The following MINDY4 variants were observed in gnomAD, a reference collection of about 807,000 sequenced individuals.
The protein encoded by MINDY4 is MINDY lysine 48 deubiquitinase 4.
A neutral mutation model predicts 87.0 loss-of-function variants in MINDY4; 68 were observed. The ratio of observed to expected loss-of-function variants is 0.78; its 90% CI spans 0.64 to 0.96. The LOEUF is 0.96. MINDY4 is among the 40% of genes least tolerant of loss of function. MINDY4 has a pLI of 0.00. For missense variants in MINDY4, 919 were observed against 928.2 expected (o/e 0.99, Z 0.13); for synonymous variants, 379 against 363.2 (o/e 1.04, Z -0.50).
intron 5 of MINDY4, among the ~76,000 whole-genome samples, chr7:30,826,715 C>T (rs144973182): frequency 1.4e-4 from 21 of 152,256 alleles, no homozygotes; most frequent in African/African-American, 4.1e-4. Context: ...TGTGCTGCCA[C>T]GGGATAGGGT....
chr7:30,822,146 A>G (rs1456791076), intron 5 of MINDY4, among the ~76,000 whole-genome samples: 2 of 151,634 alleles, frequency 1.3e-5, no homozygotes, highest in African/African-American at 4.9e-5. Context: ...CCACAACCAC[A>G]GTACCCACAA....
chr7:30,828,880 C>G (rs1225543294), intron 6 of MINDY4, 143 bp downstream of exon 6: 2 of 697,922 alleles, frequency 2.9e-6, no homozygotes, highest in Non-Finnish European at 5.0e-6. Flanking sequence ...GTAGAGTAGA[C>G]TACTCTCTCT....
intron 9 of MINDY4, among the ~76,000 whole-genome samples, chr7:30,843,750 A>G (rs1789114556): frequency 6.8e-6 from 1 of 147,300 alleles, no homozygotes; most frequent in African/African-American, 2.7e-5. Flanking sequence ...GAGGTTTTCT[A>G]TCTGTCGTTG....
intron 9 of MINDY4, among the ~76,000 whole-genome samples, chr7:30,844,877 T>G (rs990998407): frequency 6.6e-6 from 1 of 152,302 alleles, no homozygotes; most frequent in Admixed American, 6.5e-5. Context: ...CTTGCCTAAA[T>G]TGGACTCAGT....
rs144782601 is a variant in MINDY4, at chr7:30,889,007, G to C, written c.2226-2950G>C. Among the ~76,000 whole-genome samples the C allele has an allele frequency of 2.9e-3, 447 of 152,254 alleles. 1 individual carries two copies. The highest frequency in any genetic ancestry group is 0.01 in the African/African-American group (418 of 41,542). ...TCATACGAGGTACTTCAGTCTTTCT[G>C]AGTGGGGAGGGTAAAGGCTTGAAAA... On this transcript the variant is annotated intron_variant, in intron 17 of 17. Transcript: ENST00000265299.
chr7:30,863,437 G>GGAGATTGTGTGAAGGGTGACTTGATT (rs1789829584), intron 13 of MINDY4, among the ~76,000 whole-genome samples: 1 of 152,210 alleles, frequency 6.6e-6, no homozygotes, highest in African/African-American at 2.4e-5. Flanking sequence ...TGGTTGTGTT[G>GGAGATTGTGTGAAGGGTGACTTGATT]GAGATTGTGT....
At chr7:30,808,098 G>C (rs911737874) in intron 5 of MINDY4, among the ~76,000 whole-genome samples, 3 of 152,208 alleles carry the variant, frequency 2.0e-5, no homozygotes, top group Non-Finnish European at 4.4e-5. Context: ...CAGCTTGAGC[G>C]ACGCAGATCC....
intron 13 of MINDY4, among the ~76,000 whole-genome samples, chr7:30,868,027 G>T (rs1789993187): frequency 6.6e-6 from 1 of 152,236 alleles, no homozygotes; most frequent in South Asian, 2.1e-4. Flanking sequence ...GGACGCTGGT[G>T]TTAGGTGAAT....
Position 30,886,188 on chromosome 7 carries a change from C to T in MINDY4, c.2225+3195C>T, listed in dbSNP as rs182076864. ...CCCACAGCATCTTGTCCATCTTGCT[C>T]GGTAGGTGGGGCTGCAGGGTAGGCC... On this transcript the variant is annotated intron_variant, in intron 17 of 17. Coordinates refer to ENST00000265299, the MANE Select transcript of MINDY4 (RefSeq NM_032222.3). 4.5e-4 allele frequency among the ~76,000 whole-genome samples: 68 copies of T among 152,290 alleles called. 1 individual carries two copies. The highest frequency in any genetic ancestry group is 7.6e-4 in the Non-Finnish European group (52 of 68,028).
chr7:30,841,099 A>G (rs1257212714), intron 9 of MINDY4, among the ~76,000 whole-genome samples: 1 of 151,286 alleles, frequency 6.6e-6, no homozygotes, highest in Non-Finnish European at 1.5e-5. Flanking sequence ...TGCAGGAACG[A>G]CATCAAAACC....
intron 13 of MINDY4, among the ~76,000 whole-genome samples, chr7:30,870,988 C>T (rs927179308): frequency 6.6e-6 from 1 of 150,806 alleles, no homozygotes; most frequent in Non-Finnish European, 1.5e-5. Flanking sequence ...GTAATGTGTG[C>T]CCCCCAGGGT....
chr7:30,799,976 C>T (rs1190008817), intron 5 of MINDY4, among the ~76,000 whole-genome samples: 1 of 152,064 alleles, frequency 6.6e-6, no homozygotes. Flanking sequence ...TTTTTGTGCC[C>T]CTCTTAGTCA....
intron 6 of MINDY4, among the ~76,000 whole-genome samples, chr7:30,834,483 T>G (rs1788800960): frequency 6.6e-6 from 1 of 152,214 alleles, no homozygotes; most frequent in South Asian, 2.1e-4. Context: ...TTTTTCCTCC[T>G]AGGCCTCCGG....
At chr7:30,863,435 T>C (rs867223925) in intron 13 of MINDY4, among the ~76,000 whole-genome samples, 2 of 152,050 alleles carry the variant, frequency 1.3e-5, no homozygotes, top group Non-Finnish European at 2.9e-5. Context: ...GGTGGTTGTG[T>C]TGGAGATTGT....
intron 5 of MINDY4, among the ~76,000 whole-genome samples, chr7:30,801,884 G>A (rs558711123): frequency 6.6e-6 from 1 of 152,306 alleles, no homozygotes; most frequent in African/African-American, 2.4e-5. Context: ...GAGTGATCTT[G>A]TATTGTCCAT....
intron 4 of MINDY4, chr7:30,786,770 A>C (rs1787169611): frequency 6.6e-6 from 1 of 152,238 alleles, no homozygotes; most frequent in African/African-American, 2.4e-5. Flanking sequence ...AAAGATTATA[A>C]AAATTTCACA....
At chr7:30,861,087 C>G (rs1789749707) in intron 13 of MINDY4, among the ~76,000 whole-genome samples, 1 of 152,228 alleles carries the variant, frequency 6.6e-6, no homozygotes. Context: ...TCCAGGACAT[C>G]TGAGGCCCTT....
rs1002804794 is a variant in MINDY4, at chr7:30,861,811, G to A, written c.1745+2487G>A. ...GGCCTGGGGCCCTGTGGTGGAGGCC[G>A]TGCTGCCATCTCAGTAGGCACAGCC... On this transcript the variant is annotated intron_variant, in intron 13 of 17. Coordinates refer to ENST00000265299, the MANE Select transcript of MINDY4 (RefSeq NM_032222.3). Among the ~76,000 whole-genome samples the A allele has an allele frequency of 3.3e-5, 5 of 152,234 alleles. No homozygotes were observed. In the East Asian group the frequency reaches 7.7e-4, roughly 23 times the overall value.
chr7:30,853,607 T>C (rs1025845365), intron 12 of MINDY4, 148 bp downstream of exon 12: 34 of 732,760 alleles, frequency 4.6e-5, no homozygotes, highest in African/African-American at 3.6e-4. Flanking sequence ...TGGCCCCTGG[T>C]TGGGGGCTGA....
Sources: allele counts gnomAD v4.1 joint callset (sites outside exome capture counted in the v4.1 genomes callset), GRCh38; gene constraint gnomAD v4.1.1; transcripts MANE v1.5; gene names NCBI Gene and HGNC (gene_info 2026-07-23, HGNC 2026-07-21).